The following TPRG1 variants were observed in gnomAD, a reference collection of about 807,000 sequenced individuals.
The protein encoded by TPRG1 is tumor protein p63-regulated gene 1 protein.
In TPRG1, 29 loss-of-function variants were observed where a neutral mutation model predicts 29.3. That is an observed-to-expected ratio of 0.99 (90% CI 0.74 to 1.35). The LOEUF is 1.35. Ranked by LOEUF, TPRG1 falls within the 40% of genes most tolerant of loss-of-function variation. TPRG1 has a pLI of 0.00. For synonymous variants in TPRG1, 130 were observed against 116.8 expected (o/e 1.11, Z -0.73); for missense variants, 327 against 335.0 (o/e 0.98, Z 0.19).
chr3:189,255,201 A>G (rs571135056), intron 4 of TPRG1, among the ~76,000 whole-genome samples: 1 of 152,294 alleles, frequency 6.6e-6, no homozygotes, highest in South Asian at 2.1e-4. Context: ...TGTTCCATCA[A>G]TACCTAGTTT....
chr3:189,089,906 T>G (rs6787453), intron 4 of TPRG1, among the ~76,000 whole-genome samples: 7,066 of 152,166 alleles, frequency 0.046, 531 homozygotes, highest in African/African-American at 0.16. Context: ...CTTCTTTTTT[T>G]TATGAGATTT....
intron 3 of TPRG1, among the ~76,000 whole-genome samples, chr3:189,223,681 G>T (rs76517175): frequency 6.6e-6 from 1 of 152,168 alleles, no homozygotes; most frequent in Non-Finnish European, 1.5e-5. Context: ...AGCTACATCA[G>T]TTACAAGCTA....
intron 4 of TPRG1, among the ~76,000 whole-genome samples, chr3:189,262,926 G>A (rs917656286): frequency 6.6e-6 from 1 of 152,238 alleles, no homozygotes; most frequent in African/African-American, 2.4e-5. Context: ...CTTTCCGTGA[G>A]GCTGCTGACA....
intron 4 of TPRG1, among the ~76,000 whole-genome samples, chr3:189,030,169 C>T (rs1157412699): frequency 6.6e-6 from 1 of 152,004 alleles, no homozygotes; most frequent in Non-Finnish European, 1.5e-5. Context: ...GGGTTTGAGT[C>T]TTGCGTTTCA....
intron 4 of TPRG1, among the ~76,000 whole-genome samples, chr3:189,288,566 A>G (rs1718465816): frequency 1.3e-5 from 2 of 152,204 alleles, no homozygotes; most frequent in African/African-American, 4.8e-5. Flanking sequence ...TTTGCATTCT[A>G]TCTCTTCTTA....
chr3:189,077,046 T>A (rs1156537406), intron 4 of TPRG1, among the ~76,000 whole-genome samples: 1 of 152,008 alleles, frequency 6.6e-6, no homozygotes, highest in African/African-American at 2.4e-5. Flanking sequence ...ATGCCAGTGA[T>A]GATATGGAGC....
At chr3:189,251,403 G>A (rs1462095258) in intron 4 of TPRG1, among the ~76,000 whole-genome samples, 2 of 152,144 alleles carry the variant, frequency 1.3e-5, no homozygotes, top group African/African-American at 4.8e-5. Context: ...ACACCTGTGG[G>A]TGTTTCTCGT....
At chr3:189,047,862 C>T (rs1715074272) in intron 4 of TPRG1, among the ~76,000 whole-genome samples, 1 of 152,176 alleles carries the variant, frequency 6.6e-6, no homozygotes, top group Admixed American at 6.6e-5. Flanking sequence ...GGCTCCACTT[C>T]TCATTCTAGT....
intron 4 of TPRG1, among the ~76,000 whole-genome samples, chr3:189,252,525 A>G (rs951580325): frequency 6.6e-6 from 1 of 152,180 alleles, no homozygotes; most frequent in East Asian, 1.9e-4. Context: ...ACCAATTTCC[A>G]TAATCCTATT....
chr3:189,182,710 C>T (rs1239119819), intron 1 of TPRG1, among the ~76,000 whole-genome samples: 1 of 152,224 alleles, frequency 6.6e-6, no homozygotes, highest in East Asian at 1.9e-4. Flanking sequence ...AAGGGAGCAA[C>T]ATGAATAATT....
At chr3:189,078,083 CTCTTTCTCTCTTTCTTTCTTTCTT>C (rs1263028378) in intron 4 of TPRG1, among the ~76,000 whole-genome samples, 1 of 106,510 alleles carries the variant, frequency 9.4e-6, no homozygotes. Flanking sequence ...CTCTCTTTCT[CTCTTTCTCTCTTTCTTTCTTTCTT>C]TCTTTCTTTC....
chr3:189,294,364 GGCATAATATTGC>G (rs1178435131), intron 4 of TPRG1, among the ~76,000 whole-genome samples: 2 of 151,060 alleles, frequency 1.3e-5, no homozygotes, highest in African/African-American at 4.9e-5. Context: ...CCAGATTTAT[GGCATAATATTGC>G]CATATAAATC....
chr3:189,115,321 C>A (rs1039527620), intron 1 of TPRG1, among the ~76,000 whole-genome samples: 1 of 152,182 alleles, frequency 6.6e-6, no homozygotes, highest in Non-Finnish European at 1.5e-5. Flanking sequence ...GGACTGGGAA[C>A]CTTAAGAAAT....
upstream of TPRG1, among the ~76,000 whole-genome samples, chr3:189,169,417 G>A (rs1053314906): frequency 6.6e-6 from 1 of 152,076 alleles, no homozygotes; most frequent in Non-Finnish European, 1.5e-5. Flanking sequence ...CGCTCACCTC[G>A]GCCTCCCAAA....
At chr3:189,154,785 G>C (rs1269708451) in intron 5 of TPRG1, among the ~76,000 whole-genome samples, 1 of 152,062 alleles carries the variant, frequency 6.6e-6, no homozygotes, top group African/African-American at 2.4e-5. Context: ...GGGAGAGGGG[G>C]TTGAGACAAA....
chr3:189,194,276 C>T (rs866677972), intron 1 of TPRG1, among the ~76,000 whole-genome samples: 28 of 152,078 alleles, frequency 1.8e-4, no homozygotes, highest in African/African-American at 1.4e-4. Flanking sequence ...AGGTATCAAG[C>T]GCTTTGGGGT....
At chr3:189,223,510 C>A (rs1179363537) in intron 3 of TPRG1, among the ~76,000 whole-genome samples, 1 of 152,186 alleles carries the variant, frequency 6.6e-6, no homozygotes, top group Non-Finnish European at 1.5e-5. Flanking sequence ...ACCCTGATAG[C>A]TAATGGTCTC....
chr3:189,205,437 TC>T (rs1734179532), intron 1 of TPRG1, among the ~76,000 whole-genome samples: 1 of 152,256 alleles, frequency 6.6e-6, no homozygotes, highest in Non-Finnish European at 1.5e-5. Flanking sequence ...AGCACCCTTT[TC>T]ATGCCAAAAT....
chr3:189,010,187 T>C (rs1220812892), intron 3 of TPRG1, among the ~76,000 whole-genome samples: 1 of 152,186 alleles, frequency 6.6e-6, no homozygotes, highest in East Asian at 1.9e-4. Context: ...CTTTACCCAG[T>C]CTATCACTGA....
Sources: gnomAD v4.1 joint callset for allele counts (sites outside exome capture counted in the v4.1 genomes callset) on GRCh38, gnomAD v4.1.1 for gene constraint, MANE v1.5 for transcripts, NCBI Gene and HGNC (gene_info 2026-07-23, HGNC 2026-07-21) for gene names.